Variants in ELP4 observed in about 807,000 individuals in gnomAD.
ELP4 encodes the protein elongator acetyltransferase complex subunit 4.
A neutral mutation model predicts 48.9 loss-of-function variants in ELP4; 51 were observed. The ratio of observed to expected loss-of-function variants is 1.04; its 90% confidence interval spans 0.83 to 1.32. ELP4 has a LOEUF of 1.32. Among genes scored for constraint, ELP4 ranks in the 40% most tolerant of loss-of-function variants. The pLI is 0.00. For missense variants in ELP4, 519 were observed against 514.6 expected (o/e 1.01, Z -0.08); for synonymous variants, 210 against 189.2 (o/e 1.11, Z -0.90).
At chr11:31,537,442 T>G (rs1428451788) in intron 2 of ELP4, among the ~76,000 whole-genome samples, 1 of 152,256 alleles carries the variant, frequency 6.6e-6, no homozygotes, top group African/African-American at 2.4e-5. Flanking sequence ...GTTTTCCAAC[T>G]GTGTTCTTTG....
intron 9 of ELP4, among the ~76,000 whole-genome samples, chr11:31,770,007 G>C (rs762423924): frequency 6.6e-6 from 1 of 152,142 alleles, no homozygotes; most frequent in Non-Finnish European, 1.5e-5. Context: ...AGGCAAGGCA[G>C]GCTTGAAGAA....
intron 9 of ELP4, among the ~76,000 whole-genome samples, chr11:31,750,160 G>A (rs752920489): frequency 9.9e-5 from 15 of 152,052 alleles, no homozygotes; most frequent in East Asian, 3.9e-4. Context: ...CACCACGCCC[G>A]GCCAACTTTT....
At chr11:31,609,507 G>GT (rs1396268600) in intron 5 of ELP4, among the ~76,000 whole-genome samples, 15 of 152,018 alleles carry the variant, frequency 9.9e-5, no homozygotes, top group African/African-American at 3.6e-4. Context: ...ATTCAGCAGG[G>GT]TTTTCATCAG....
intron 2 of ELP4, among the ~76,000 whole-genome samples, chr11:31,523,515 G>A (rs1956249344): frequency 6.6e-6 from 1 of 152,088 alleles, no homozygotes; most frequent in Non-Finnish European, 1.5e-5. Flanking sequence ...TGTATTTACA[G>A]CTTCAGTAGC....
At chr11:31,689,950 C>T (rs77198107) in intron 9 of ELP4, among the ~76,000 whole-genome samples, 134 of 152,224 alleles carry the variant, frequency 8.8e-4, no homozygotes, top group African/African-American at 3.0e-3. Context: ...CTCTGTTCTC[C>T]ACCTCCTCCA....
rs1948756425 is a variant in ELP4, at chr11:31,787,624, G to A, written c.*4100G>A. The A allele has an allele frequency of 4.3e-6, 1 of 232,110 alleles. No homozygotes were observed. The highest frequency in any genetic ancestry group is 1.8e-4 in the South Asian group (1 of 5,528). 14.4% of individuals were successfully genotyped at this position (232,110 alleles called of 1,614,324 possible). ...GCAATTGTACCAACAGTGCGTATGT[G>A]TGCTCACTCCCCTGCAGAAATGTGC... On this transcript the variant is annotated 3_prime_UTR_variant, in exon 10 of 10. Transcript: ENST00000640961.
chr11:31,789,576 T>TAA lies in ELP4; in HGVS notation c.*6052_*6053insAA. ...AAGCTTGTTGATCATGGTTTTCTTT[T>TAA]TAAAAAAAAAAAAAACAACTTCATG... On this transcript the variant is annotated 3_prime_UTR_variant, in exon 10 of 10. Transcript: ENST00000640961. 1.6e-6 allele frequency: 1 copy of TAA among 606,450 alleles called. No individual in the cohort carries two copies. Among genetic ancestry groups the TAA allele is most frequent in the Admixed American group, 3.1e-5 (1 of 32,678 alleles). The allele number at this position is 606,450 out of a possible 1,614,324, so 37.6% of individuals were successfully genotyped here.
intron 9 of ELP4, among the ~76,000 whole-genome samples, chr11:31,746,395 C>T (rs1947591729): frequency 6.6e-6 from 1 of 152,142 alleles, no homozygotes; most frequent in South Asian, 2.1e-4. Flanking sequence ...TGGGTATATA[C>T]CCAAAGGATT....
chr11:31,685,704 C>T (rs766081211), intron 9 of ELP4, among the ~76,000 whole-genome samples: 267 of 152,046 alleles, frequency 1.8e-3, no homozygotes, highest in African/African-American at 2.1e-3. Flanking sequence ...AGGCCAGGCG[C>T]GCAGATCACG....
At chr11:31,536,932 T>A (rs543464755) in intron 2 of ELP4, among the ~76,000 whole-genome samples, 28 of 152,364 alleles carry the variant, frequency 1.8e-4, no homozygotes, top group African/African-American at 6.7e-4. Context: ...GTAGTTTGCC[T>A]GTTTTAAATC....
At chr11:31,740,760 G>A (rs1390480523) in intron 9 of ELP4, among the ~76,000 whole-genome samples, 5 of 152,188 alleles carry the variant, frequency 3.3e-5, no homozygotes, top group Admixed American at 6.5e-5. Context: ...ATTTGGGGGA[G>A]GAGCCAAGAT....
Position 31,592,776 on chromosome 11 carries a change from A to T in ELP4, c.382-1994A>T, listed in dbSNP as rs184433756. Among the ~76,000 whole-genome samples the T allele has an allele frequency of 1.5e-3, 225 of 152,110 alleles. 2 individuals carry two copies. The highest frequency in any genetic ancestry group is 5.2e-3 in the African/African-American group (215 of 41,534). On this transcript the variant is annotated intron_variant, in intron 3 of 9. Coordinates refer to ENST00000640961, the MANE Select transcript of ELP4 (RefSeq NM_019040.5). ...GGAATAGATACATATTTAATAACTTAAATGAGGAAATGCTTACCTATATTT... is the reference window on the plus strand; with the variant it reads ...GGAATAGATACATATTTAATAACTTTAATGAGGAAATGCTTACCTATATTT...
At chr11:31,621,268 T>C (rs1400066576) in intron 5 of ELP4, among the ~76,000 whole-genome samples, 3 of 152,054 alleles carry the variant, frequency 2.0e-5, no homozygotes, top group Non-Finnish European at 2.9e-5. Flanking sequence ...CAAAAATGCT[T>C]CATCTTCACT....
At chr11:31,669,616 C>A (rs1945763389) in intron 9 of ELP4, among the ~76,000 whole-genome samples, 1 of 152,172 alleles carries the variant, frequency 6.6e-6, no homozygotes, top group Admixed American at 6.5e-5. Flanking sequence ...ATACCATAAA[C>A]TAGTGGCAGA....
intron 9 of ELP4, among the ~76,000 whole-genome samples, chr11:31,759,741 C>G (rs902940192): frequency 6.7e-6 from 1 of 149,118 alleles, no homozygotes; most frequent in African/African-American, 2.5e-5. Flanking sequence ...GAGTCTCGCT[C>G]TGTCACCCAG....
intron 9 of ELP4, among the ~76,000 whole-genome samples, chr11:31,713,950 T>C (rs1946791720): frequency 6.6e-6 from 1 of 152,084 alleles, no homozygotes; most frequent in South Asian, 2.1e-4. Flanking sequence ...AGTTAGAGAA[T>C]AGGAATGCTA....
chr11:31,641,816 G>A (rs1310922956), intron 7 of ELP4, among the ~76,000 whole-genome samples: 1 of 151,814 alleles, frequency 6.6e-6, no homozygotes, highest in Non-Finnish European at 1.5e-5. Flanking sequence ...ATTATTCTAA[G>A]CTGATTTTAA....
chr11:31,629,022 G>A (rs4922871), intron 6 of ELP4, among the ~76,000 whole-genome samples: 141,365 of 152,060 alleles, frequency 0.93, 66,316 homozygotes, highest in South Asian at 1. Flanking sequence ...ATTTGAGACA[G>A]CATATAGAAA....
intron 5 of ELP4, among the ~76,000 whole-genome samples, chr11:31,619,853 G>A (rs994001416): frequency 2.0e-5 from 3 of 151,760 alleles, no homozygotes; most frequent in African/African-American, 7.3e-5. Context: ...AGTGTGTGTT[G>A]TTTTCCTTCT....
Sources: allele counts gnomAD v4.1 joint callset (sites outside exome capture counted in the v4.1 genomes callset), GRCh38; gene constraint gnomAD v4.1.1; transcripts MANE v1.5; gene names NCBI Gene and HGNC (gene_info 2026-07-23, HGNC 2026-07-21).